The following GRID1 variants were observed in gnomAD, a reference collection of about 807,000 sequenced individuals.
GRID1 encodes glutamate receptor ionotropic, delta-1.
GRID1 carries 28 observed loss-of-function variants against 98.0 expected under a neutral mutation model. The ratio of observed to expected loss-of-function variants is 0.29; its 90% CI spans 0.21 to 0.39. GRID1 has a LOEUF of 0.39. Among genes scored for constraint, GRID1 ranks in the 10% least tolerant of loss-of-function variants. The probability of loss-of-function intolerance (pLI) is 1.00; values close to 1 mark genes in which losing one functional copy is unlikely to be tolerated. For missense variants in GRID1, 1,111 were observed against 1,340.5 expected, an observed-to-expected ratio of 0.83 and a Z score of 2.67; for synonymous variants, 553 against 538.5, an observed-to-expected ratio of 1.03 and a Z score of -0.37.
chr10:85,625,964 C>G (rs567311850), intron 13 of GRID1, among the ~76,000 whole-genome samples: 1 of 152,302 alleles, frequency 6.6e-6, no homozygotes, highest in East Asian at 1.9e-4. Context: ...AACCTCATTA[C>G]GCTATTCCAT....
At chr10:85,949,101 G>T (rs1043022013) in intron 4 of GRID1, among the ~76,000 whole-genome samples, 1 of 152,128 alleles carries the variant, frequency 6.6e-6, no homozygotes, top group Admixed American at 6.6e-5. Flanking sequence ...TCTCCCAGGA[G>T]GGTACTCTGA....
At chr10:86,124,209 G>T (rs1447699309) in intron 4 of GRID1, among the ~76,000 whole-genome samples, 1 of 152,142 alleles carries the variant, frequency 6.6e-6, no homozygotes, top group Non-Finnish European at 1.5e-5. Flanking sequence ...CTGCTCACCT[G>T]CTCACAAACC....
At chr10:85,891,350 G>C (rs1841197665) in intron 5 of GRID1, among the ~76,000 whole-genome samples, 1 of 152,080 alleles carries the variant, frequency 6.6e-6, no homozygotes, top group South Asian at 2.1e-4. Context: ...TTATAGCCCT[G>C]TATTTAACAT....
At chr10:85,996,193 GA>G (rs1842736783) in intron 4 of GRID1, among the ~76,000 whole-genome samples, 2 of 152,282 alleles carry the variant, frequency 1.3e-5, no homozygotes, top group Middle Eastern at 3.4e-3. Context: ...AAATTGCTCA[GA>G]ATAAGAACAA....
intron 12 of GRID1, among the ~76,000 whole-genome samples, chr10:85,679,061 T>A (rs1841177076): frequency 6.6e-6 from 1 of 152,224 alleles, no homozygotes; most frequent in African/African-American, 2.4e-5. Flanking sequence ...TAGCTTCACA[T>A]GCCCCATCAC....
intron 8 of GRID1, among the ~76,000 whole-genome samples, chr10:85,774,649 T>C (rs1308968484): frequency 2.0e-5 from 3 of 152,052 alleles, no homozygotes; most frequent in African/African-American, 7.2e-5. Context: ...AACAACCCTA[T>C]TAAAAAGTGG....
intron 12 of GRID1, among the ~76,000 whole-genome samples, chr10:85,660,290 T>C (rs1285727267): frequency 6.6e-6 from 1 of 152,162 alleles, no homozygotes; most frequent in Non-Finnish European, 1.5e-5. Flanking sequence ...TAATTATTCA[T>C]CCCATTGACT....
rs76989269 is a variant in GRID1 at position 86,279,245 on chromosome 10, C to G, written c.236-72597G>C. On this transcript the variant is annotated intron_variant, in intron 2 of 15. Transcript: ENST00000327946. Reference sequence around the variant, plus strand: ...CATCAGTGCTGGACCATATTGGTATCCCCCTCAGACCTCCAGCCTCCAGAA... The same window carrying G: ...CATCAGTGCTGGACCATATTGGTATGCCCCTCAGACCTCCAGCCTCCAGAA... 1.5e-3 allele frequency among the ~76,000 whole-genome samples: 225 copies of G among 152,254 alleles called. 1 individual carries two copies. Among genetic ancestry groups the G allele is most frequent in the African/African-American group, 5.2e-3 (216 of 41,554 alleles).
chr10:85,903,648 T>A (rs536665809), intron 5 of GRID1, among the ~76,000 whole-genome samples: 2 of 152,258 alleles, frequency 1.3e-5, no homozygotes, highest in Non-Finnish European at 1.5e-5. Flanking sequence ...AAGAATCGTG[T>A]CTTACAAAGG....
At chr10:85,927,654 A>G (rs1841794413) in intron 4 of GRID1, among the ~76,000 whole-genome samples, 2 of 152,244 alleles carry the variant, frequency 1.3e-5, no homozygotes, top group Non-Finnish European at 2.9e-5. Flanking sequence ...TTATTTTTCA[A>G]ACGAATCTCC....
At chr10:86,154,813 AC>A (rs1181481050) in intron 3 of GRID1, among the ~76,000 whole-genome samples, 1 of 152,010 alleles carries the variant, frequency 6.6e-6, no homozygotes, top group Non-Finnish European at 1.5e-5. Flanking sequence ...AAGAGCACAC[AC>A]CTCTGCTCGC....
At chr10:86,281,800 T>G (rs995262007) in intron 2 of GRID1, among the ~76,000 whole-genome samples, 2 of 152,080 alleles carry the variant, frequency 1.3e-5, no homozygotes, top group Non-Finnish European at 2.9e-5. Flanking sequence ...TGAGCACACT[T>G]TAAAAGCTCT....
In GRID1 at chr10:85,726,555, G is replaced by C. The variant is rs183404218; in HGVS notation, c.1533+1300C>G. ...CAGAGGGAGTCACAAGGGATGAAGG[G>C]AGGAGGGGTTTGTCTGGCCACCCAT... On this transcript the variant is annotated intron_variant, in intron 10 of 15. Transcript: ENST00000327946. Among the ~76,000 whole-genome samples the C allele has an allele frequency of 1.5e-3, 233 of 152,290 alleles. 1 individual carries two copies. Among genetic ancestry groups the C allele is most frequent in the African/African-American group, 5.1e-3 (212 of 41,562 alleles).
At chr10:86,088,873 C>T (rs1844102785) in intron 4 of GRID1, among the ~76,000 whole-genome samples, 1 of 151,798 alleles carries the variant, frequency 6.6e-6, no homozygotes, top group Admixed American at 6.6e-5. Flanking sequence ...AACTCAGCAA[C>T]CCAGAAAGAT....
intron 2 of GRID1, among the ~76,000 whole-genome samples, chr10:86,220,067 G>A (rs565093905): frequency 1.3e-5 from 2 of 152,348 alleles, no homozygotes; most frequent in African/African-American, 4.8e-5. Context: ...ACACAGATGT[G>A]AAAATATAGC....
chr10:86,295,938 T>TC (rs1847582753), intron 2 of GRID1, among the ~76,000 whole-genome samples: 1 of 152,074 alleles, frequency 6.6e-6, no homozygotes, highest in African/African-American at 2.4e-5. Flanking sequence ...ACCTCATCCA[T>TC]CCCCCCTACA....
intron 12 of GRID1, among the ~76,000 whole-genome samples, chr10:85,707,777 G>A (rs1183854541): frequency 6.6e-6 from 1 of 152,138 alleles, no homozygotes; most frequent in Non-Finnish European, 1.5e-5. Context: ...GGAATACTCT[G>A]CAGCCATAAA....
chr10:85,821,516 C>CAAAAAAAAAAAAAA (rs1157209045), intron 8 of GRID1, among the ~76,000 whole-genome samples: 7 of 9,114 alleles, frequency 7.7e-4, no homozygotes, highest in Non-Finnish European at 1.6e-3. Context: ...GACTTCATCT[C>CAAAAAAAAAAAAAA]AAAAAAAAAA....
intron 3 of GRID1, among the ~76,000 whole-genome samples, chr10:86,155,964 C>A (rs1006315976): frequency 1.3e-5 from 2 of 152,134 alleles, no homozygotes; most frequent in South Asian, 2.1e-4. Flanking sequence ...AGGACAAAGC[C>A]CCCAGACATC....
Sources: allele counts gnomAD v4.1 joint callset (sites outside exome capture counted in the v4.1 genomes callset), GRCh38; gene constraint gnomAD v4.1.1; transcripts MANE v1.5; gene names NCBI Gene and HGNC (gene_info 2026-07-23, HGNC 2026-07-21).